PLCG1: variants seen among roughly 807,000 people sequenced by gnomAD.
The protein encoded by PLCG1 is 1-phosphatidylinositol 4,5-bisphosphate phosphodiesterase gamma-1.
In PLCG1, 71 loss-of-function variants were observed where a neutral mutation model predicts 177.8. That is an observed-to-expected ratio of 0.40 (90% CI 0.33 to 0.49). The LOEUF (loss-of-function observed/expected upper bound fraction) is 0.49. PLCG1 is among the 20% of genes least tolerant of loss of function. The pLI is 0.72. For synonymous variants in PLCG1, 658 were observed against 647.9 expected (o/e 1.02, Z -0.24); for missense variants, 1,281 against 1,709.0 (o/e 0.75, Z 4.42).
intron 1 of PLCG1, among the ~76,000 whole-genome samples, chr20:41,141,292 G>T (rs1462999575): frequency 6.6e-6 from 1 of 152,378 alleles, no homozygotes; most frequent in Non-Finnish European, 1.5e-5. Context: ...TAGATGCCAG[G>T]CCCTCTGAGG....
chr20:41,143,881 C>T (rs936278772), intron 1 of PLCG1, among the ~76,000 whole-genome samples: 3 of 152,220 alleles, frequency 2.0e-5, no homozygotes, highest in African/African-American at 7.2e-5. Context: ...ACATTTGTCA[C>T]TTAGTGGCCA....
chr20:41,166,587 C>T lies in PLCG1; in HGVS notation c.2112C>T (p.Ile704=). ...GGAATGAACCCAACTCATATGCCATCTCTTTCCGGTGAGGGGTGTGGCACT... is the reference window on the plus strand; with the variant it reads ...GGAATGAACCCAACTCATATGCCATTTCTTTCCGGTGAGGGGTGTGGCACT... ...RKRNEPNSYA[I]SFRAEGKIKH... Residue 704 remains isoleucine (I), a synonymous_variant, in exon 18 of 32, where the codon ATC becomes ATT. Transcript: ENST00000685551. This position sits in a 1 kb window ranked among gnomAD's most constrained non-coding sequence, Gnocchi z 8.6. The T allele has an allele frequency of 6.2e-7, 1 of 1,614,194 alleles. No homozygotes were observed. Among genetic ancestry groups the T allele is most frequent in the Non-Finnish European group, 8.5e-7 (1 of 1,180,022 alleles).
At chr20:41,161,191 G>A (rs564244722) in intron 4 of PLCG1, among the ~76,000 whole-genome samples, 45 of 152,222 alleles carry the variant, frequency 3.0e-4, no homozygotes, top group Admixed American at 1.8e-3. Context: ...CAACTAGTGC[G>A]GTAAGAGGAG....
chr20:41,163,553 G>A lies in PLCG1; in HGVS notation c.891+74G>A. The A allele has an allele frequency of 8.3e-7, 1 of 1,198,076 alleles. No homozygotes were observed. The highest frequency in any genetic ancestry group is 1.2e-6 in the Non-Finnish European group (1 of 806,620). 74.2% of individuals were successfully genotyped at this position (1,198,076 alleles called of 1,614,324 possible). On this transcript the variant is annotated intron_variant, in intron 9 of 31. Coordinates refer to ENST00000685551, the MANE Select transcript of PLCG1 (RefSeq NM_002660.3). The surrounding 1 kb of genome is among the most constrained non-coding windows in gnomAD (Gnocchi z 5.2). ...GACCAGGACCCCACCCGGGCTCCAG[G>A]AGCTAGACGCTCCTTAGGGATGCCA...
In PLCG1 at chr20:41,165,694, G is replaced by A; in HGVS notation, c.1667G>A (p.Gly556Glu). Residue 556 changes from glycine to glutamate, a missense_variant, in exon 16 of 32, where the codon GGG (glycine) becomes GAG (glutamate). This residue lies in a region of PLCG1 where 723 missense variants were observed against 1,030.0 expected (regional missense o/e 0.70). Coordinates refer to ENST00000685551, the MANE Select transcript of PLCG1 (RefSeq NM_002660.3). This position sits in a 1 kb window ranked among gnomAD's most constrained non-coding sequence, Gnocchi z 6.6. ...SNEKWFHGKL[G>E]AGRDGRHIAE... ...GAGAAGTGGTTCCATGGGAAGCTAG[G>A]GGCAGGGCGTGACGGGCGTCACATC... is the stretch of plus-strand genomic sequence containing the variant. 1 of 1,614,064 alleles carries A rather than the reference G, an allele frequency of 6.2e-7. No individual in the cohort carries two copies. Among genetic ancestry groups the A allele is most frequent in the Non-Finnish European group, 8.5e-7 (1 of 1,179,974 alleles).
chr20:41,142,686 C>T (rs2034866957), intron 1 of PLCG1, among the ~76,000 whole-genome samples: 1 of 152,142 alleles, frequency 6.6e-6, no homozygotes, highest in South Asian at 2.1e-4. Context: ...TGCTCTGTGA[C>T]CTTAAAGCAT....
intron 23 of PLCG1, 66 bp downstream of exon 23, chr20:41,169,592 C>G: frequency 1.6e-6 from 2 of 1,282,668 alleles, no homozygotes; most frequent in Non-Finnish European, 2.3e-6. Flanking sequence ...GTATCTCTTT[C>G]CTGCTCCTAG....
At position 41,151,939 on chromosome 20, in the gene PLCG1, G is replaced by T. The variant is rs546832068; in HGVS notation, c.218-7667G>T. The stretch of plus-strand genomic sequence containing the variant: ...GGGGATCTGCAGTGCAGTGCCTGCC[G>T]TACCCCACAGGGAGTTGTATAGGAA... On this transcript the variant is annotated intron_variant, in intron 1 of 31. Coordinates refer to ENST00000685551, the MANE Select transcript of PLCG1 (RefSeq NM_002660.3). This position sits in a 1 kb window ranked among gnomAD's most constrained non-coding sequence, Gnocchi z 5.5. Among the ~76,000 whole-genome samples the T allele has an allele frequency of 5.9e-5, 9 of 152,312 alleles. No individual in the cohort carries two copies. Among genetic ancestry groups the T allele is most frequent in the African/African-American group, 2.2e-4 (9 of 41,578 alleles).
At chr20:41,141,935 A>T (rs1322338360) in intron 1 of PLCG1, among the ~76,000 whole-genome samples, 2 of 152,226 alleles carry the variant, frequency 1.3e-5, no homozygotes, top group Non-Finnish European at 2.9e-5. Context: ...GATCTTGGCT[A>T]CCAGCTTTGC....
At position 41,150,491 on chromosome 20, in the gene PLCG1, A is replaced by G. The variant is rs34657858; in HGVS notation, c.218-9115A>G. ...GGAGCCTGGCATACACAGGCCATCT[A>G]GAAAGAACTTAGGCAGCATCAGTCT... On this transcript the variant is annotated intron_variant, in intron 1 of 31. Coordinates refer to ENST00000685551, the MANE Select transcript of PLCG1 (RefSeq NM_002660.3). The surrounding 1 kb of genome is among the most constrained non-coding windows in gnomAD (Gnocchi z 4.0). Among the ~76,000 whole-genome samples the G allele has an allele frequency of 4.1e-3, 617 of 152,188 alleles. 7 individuals are homozygous for G. The highest frequency in any genetic ancestry group is 0.023 in the East Asian group (117 of 5,170).
chr20:41,167,589 A>G lies in PLCG1; in HGVS notation c.2302-263A>G. The G allele has an allele frequency of 4.0e-6, 2 of 505,564 alleles. No individual in the cohort carries two copies. The highest frequency in any genetic ancestry group is 5.5e-4 in the Middle Eastern group (1 of 1,820). 31.3% of individuals were successfully genotyped at this position (505,564 alleles called of 1,614,324 possible). ...GCCCACCTGCACATAGCTCAGAAAT[A>G]CTTGGGAGTTTGGGCATTTAGGACC... is the stretch of plus-strand genomic sequence containing the variant. On this transcript the variant is annotated intron_variant, in intron 19 of 31. Coordinates refer to ENST00000685551, the MANE Select transcript of PLCG1 (RefSeq NM_002660.3). The surrounding 1 kb of genome is among the most constrained non-coding windows in gnomAD (Gnocchi z 4.4).
Position 41,148,983 on chromosome 20 carries a change from A to G in PLCG1, c.218-10623A>G, listed in dbSNP as rs764818474. Among the ~76,000 whole-genome samples the G allele has an allele frequency of 2.0e-5, 3 of 152,204 alleles. No individual in the cohort carries two copies. The highest frequency in any genetic ancestry group is 7.2e-5 in the African/African-American group (3 of 41,438). On this transcript the variant is annotated intron_variant, in intron 1 of 31. Transcript: ENST00000685551. The surrounding 1 kb of genome is among the most constrained non-coding windows in gnomAD (Gnocchi z 4.3). ...TCACTCGGGAATTGGGGACCCTAAT[A>G]CTTACTTCATAGTGTTATTTGCAAG...
chr20:41,149,407 G>A (rs999995831), intron 1 of PLCG1, among the ~76,000 whole-genome samples: 3 of 152,228 alleles, frequency 2.0e-5, no homozygotes, highest in South Asian at 4.1e-4. Flanking sequence ...AAGGAGATGC[G>A]AAGGATCATT....
intron 1 of PLCG1, among the ~76,000 whole-genome samples, chr20:41,155,859 C>T (rs1055475870): frequency 6.6e-6 from 1 of 152,122 alleles, no homozygotes; most frequent in African/African-American, 2.4e-5. Flanking sequence ...TTTCCAGTTT[C>T]CTGATGGGGA....
chr20:41,174,436 G>A lies in PLCG1; in HGVS notation c.3834-31G>A, dbSNP rs1182855111. 3 of 1,593,426 alleles carry A rather than the reference G, an allele frequency of 1.9e-6. No individual in the cohort carries two copies. Among genetic ancestry groups the A allele is most frequent in the Non-Finnish European group, 2.6e-6 (3 of 1,168,908 alleles). ...GGCATTGGGCTGCAAGGCCCTGCCT[G>A]CCAGTAAGGACACTCTTCCCTTCTG... On this transcript the variant is annotated intron_variant, in intron 31 of 31. Transcript: ENST00000685551. The surrounding 1 kb of genome is among the most constrained non-coding windows in gnomAD (Gnocchi z 5.8).
Position 41,177,428 on chromosome 20 carries a change from T to TCTTGAACATCACCTGAGAG in PLCG1, c.*2932_*2950dup, listed in dbSNP as rs1333689058. 6.6e-6 allele frequency: 1 copy of TCTTGAACATCACCTGAGAG among 152,186 alleles called. No homozygotes were observed. Among genetic ancestry groups the TCTTGAACATCACCTGAGAG allele is most frequent in the Non-Finnish European group, 1.5e-5 (1 of 68,044 alleles). 9.4% of individuals were successfully genotyped at this position (152,186 alleles called of 1,614,324 possible). Reference sequence around the variant, plus strand: ...GGGGTCTGCCTCCTGACCAAGCACATCTTGAACATCACCTGAGAGCTTGAA... The same window carrying TCTTGAACATCACCTGAGAG: ...GGGGTCTGCCTCCTGACCAAGCACATCTTGAACATCACCTGAGAGCTTGAACATCACCTGAGAGCTTGAA... On this transcript the variant is annotated 3_prime_UTR_variant, in exon 32 of 32. Coordinates refer to ENST00000685551, the MANE Select transcript of PLCG1 (RefSeq NM_002660.3).
At position 41,174,495 on chromosome 20, in the gene PLCG1, G is replaced by A; in HGVS notation, c.3862G>A (p.Asp1288Asn). 6.3e-7 allele frequency: 1 copy of A among 1,582,944 alleles called. No homozygotes were observed. The highest frequency in any genetic ancestry group is 8.6e-7 in the Non-Finnish European group (1 of 1,161,962). The change falls in exon 32 of 32, where the codon GAC (aspartate) becomes AAC (asparagine). Residue 1288 changes from aspartate to asparagine, a missense_variant. Coordinates refer to ENST00000685551, the MANE Select transcript of PLCG1 (RefSeq NM_002660.3). This position sits in a 1 kb window ranked among gnomAD's most constrained non-coding sequence, Gnocchi z 5.8. ...RAPRRTRVNG[D>N]NRL is the part of the protein sequence containing the mutation. ...CCCAAGAAGGACTCGGGTCAATGGAGACAACCGCCTCTAGTTGTACCCCAG... is the reference window on the plus strand; with the variant it reads ...CCCAAGAAGGACTCGGGTCAATGGAAACAACCGCCTCTAGTTGTACCCCAG...
At chr20:41,140,041 C>T (rs971872869) in intron 1 of PLCG1, among the ~76,000 whole-genome samples, 2 of 152,088 alleles carry the variant, frequency 1.3e-5, no homozygotes, top group African/African-American at 4.8e-5. Context: ...ATTTATCATG[C>T]CTCATGTATT....
chr20:41,147,413 A>T lies in PLCG1; in HGVS notation c.217+9555A>T, dbSNP rs1411291677. ...CTGAGAACTGGTCTACACCGGAAGC[A>T]TGAAGCTCCATACAATCATGTGTGC... On this transcript the variant is annotated intron_variant, in intron 1 of 31. Coordinates refer to ENST00000685551, the MANE Select transcript of PLCG1 (RefSeq NM_002660.3). This position sits in a 1 kb window ranked among gnomAD's most constrained non-coding sequence, Gnocchi z 4.0. Among the ~76,000 whole-genome samples the T allele has an allele frequency of 6.6e-6, 1 of 152,244 alleles. No individual in the cohort carries two copies. Among genetic ancestry groups the T allele is most frequent in the Non-Finnish European group, 1.5e-5 (1 of 68,040 alleles).
Sources: allele counts gnomAD v4.1 joint callset (sites outside exome capture counted in the v4.1 genomes callset), GRCh38; gene constraint gnomAD v4.1.1; regional missense constraint gnomAD v4.1.1; non-coding constraint Gnocchi (gnomAD v3.1); transcripts MANE v1.5; gene names NCBI Gene and HGNC (gene_info 2026-07-23, HGNC 2026-07-21).